The following BMERB1 variants were observed in gnomAD, a reference collection of about 807,000 sequenced individuals.
BMERB1 encodes bMERB domain-containing protein 1.
Under a neutral mutation model 23.6 loss-of-function variants are expected in BMERB1, and 12 were observed. That is an observed-to-expected ratio of 0.51 (90% confidence interval 0.33 to 0.82). The LOEUF (loss-of-function observed/expected upper bound fraction) is 0.82, where lower values mean the gene tolerates loss of function less well. Among genes scored for constraint, BMERB1 ranks in the 40% least tolerant of loss-of-function variants. The probability of loss-of-function intolerance (pLI) is 0.03; values close to 1 mark genes in which losing one functional copy is unlikely to be tolerated. For missense variants in BMERB1, 247 were observed against 255.4 expected (o/e 0.97, Z 0.22); for synonymous variants, 122 against 96.6 (o/e 1.26, Z -1.54).
At chr16:15,515,253 C>T in intron 1 of BMERB1, 52 bp from the exon 2 acceptor site, 1 of 1,610,342 alleles carries the variant, frequency 6.2e-7, no homozygotes, top group Non-Finnish European at 8.5e-7. Flanking sequence ...AGGGTCTGTC[C>T]CATGGTGCAG....
chr16:15,586,775 G>A lies in BMERB1; in HGVS notation c.561G>A (p.Thr187=), dbSNP rs776720007. ...CTAGCAAGCCCACGGTGGCCAAGAC[G>A]GGGCTGGCACTGATCAAGGATTGTT... The part of the protein sequence containing the change: ...PPPSKPTVAK[T]GLALIKDCCG... Residue 187 remains threonine (T), a synonymous_variant, in exon 6 of 6, where the codon ACG becomes ACA. Transcript: ENST00000300006. The A allele has an allele frequency of 1.5e-5, 24 of 1,612,598 alleles. No individual in the cohort carries two copies. The highest frequency in any genetic ancestry group is 1.6e-4 in the Middle Eastern group (1 of 6,082).
In BMERB1 at chr16:15,587,689, C is replaced by T; in HGVS notation, c.*860C>T. ...GCCAGCAGGATGCCACTTTGCCAGC[C>T]CGACACACGGACCTTTGTAAAGAAC... On this transcript the variant is annotated 3_prime_UTR_variant, in exon 6 of 6. Transcript: ENST00000300006. 1 of 293,882 alleles carries T rather than the reference C, an allele frequency of 3.4e-6. No homozygotes were observed. The highest frequency in any genetic ancestry group is 7.4e-6 in the Non-Finnish European group (1 of 135,870). 18.2% of individuals were successfully genotyped at this position (293,882 alleles called of 1,614,324 possible).
intron 4 of BMERB1, 44 bp downstream of exon 4, chr16:15,581,375 A>G (rs370345498): frequency 1.2e-5 from 18 of 1,521,436 alleles, no homozygotes; most frequent in Non-Finnish European, 1.5e-5. Context: ...GCAGGACAGC[A>G]ACCTTCTGCT....
chr16:15,497,359 T>C (rs2051483274), intron 1 of BMERB1, among the ~76,000 whole-genome samples: 5 of 152,216 alleles, frequency 3.3e-5, no homozygotes, highest in Admixed American at 3.3e-4. Flanking sequence ...TCTCATTGTC[T>C]GGATGCTGTA....
intron 2 of BMERB1, among the ~76,000 whole-genome samples, chr16:15,556,321 C>G (rs1598517669): frequency 6.6e-6 from 1 of 152,256 alleles, no homozygotes; most frequent in African/African-American, 2.4e-5. Flanking sequence ...TACACACCCA[C>G]ACTGCCTGTG....
rs570781170 is a variant in BMERB1 at position 15,564,809 on chromosome 16, T to C, written c.231-3174T>C. 8.5e-5 allele frequency among the ~76,000 whole-genome samples: 13 copies of C among 152,328 alleles called. No homozygotes were observed. The East Asian group carries it at 2.1e-3, about 25-fold the overall frequency. ...CAGATGGTTAGAGATGCTGGCAGTT[T>C]AGGACCTGCTGCCATAAATGTGTGA... is the stretch of plus-strand genomic sequence containing the variant. On this transcript the variant is annotated intron_variant, in intron 2 of 5. Coordinates refer to ENST00000300006, the MANE Select transcript of BMERB1 (RefSeq NM_033201.3).
intron 1 of BMERB1, among the ~76,000 whole-genome samples, chr16:15,474,696 T>C (rs1311652861): frequency 6.6e-6 from 1 of 151,842 alleles, no homozygotes; most frequent in African/African-American, 2.4e-5. Context: ...TTTTTTATTC[T>C]TATTTTTTTT....
In BMERB1 at chr16:15,507,127, C is replaced by T. The variant is rs140683056; in HGVS notation, c.107-8178C>T. 5.5e-3 allele frequency among the ~76,000 whole-genome samples: 832 copies of T among 152,308 alleles called. 7 individuals carry two copies. Among genetic ancestry groups the T allele is most frequent in the African/African-American group, 0.019 (805 of 41,564 alleles). On this transcript the variant is annotated intron_variant, in intron 1 of 5. Coordinates refer to ENST00000300006, the MANE Select transcript of BMERB1 (RefSeq NM_033201.3). ...TGCAGGGCACCCTGAGCTTAAATTC[C>T]TACCATGACCCCTGATTGGAAAAGA... is the stretch of plus-strand genomic sequence containing the variant.
At chr16:15,469,963 A>G (rs2051215344) in intron 1 of BMERB1, among the ~76,000 whole-genome samples, 1 of 152,120 alleles carries the variant, frequency 6.6e-6, no homozygotes, top group South Asian at 2.1e-4. Context: ...CCTAATTTGT[A>G]TGCCTTTTAT....
At chr16:15,553,012 C>T (rs2030140014) in intron 2 of BMERB1, among the ~76,000 whole-genome samples, 1 of 151,974 alleles carries the variant, frequency 6.6e-6, no homozygotes. Context: ...CCATCTCTAC[C>T]AGACATTTTT....
At chr16:15,531,715 G>A (rs1038166221) in intron 2 of BMERB1, among the ~76,000 whole-genome samples, 7 of 152,180 alleles carry the variant, frequency 4.6e-5, no homozygotes, top group Admixed American at 1.3e-4. Flanking sequence ...TGCATGTACC[G>A]TGGCCTGGCG....
intron 1 of BMERB1, among the ~76,000 whole-genome samples, chr16:15,486,285 CA>C (rs1186887484): frequency 6.6e-6 from 1 of 151,842 alleles, no homozygotes; most frequent in Admixed American, 6.6e-5. Flanking sequence ...GACCAAAACC[CA>C]CTGGGTTCAG....
chr16:15,505,885 T>A (rs28477976), intron 1 of BMERB1, among the ~76,000 whole-genome samples: 1 of 145,114 alleles, frequency 6.9e-6, no homozygotes, highest in African/African-American at 2.6e-5. Flanking sequence ...GAGACGCCGT[T>A]TCAAAAAAAA....
intron 2 of BMERB1, among the ~76,000 whole-genome samples, chr16:15,534,792 C>G (rs747421572): frequency 6.6e-6 from 1 of 152,122 alleles, no homozygotes; most frequent in Non-Finnish European, 1.5e-5. Context: ...AAGACACTTA[C>G]TTCTCCTGTC....
intron 1 of BMERB1, among the ~76,000 whole-genome samples, chr16:15,511,814 C>A (rs1432678120): frequency 1.3e-5 from 2 of 152,028 alleles, no homozygotes; most frequent in Non-Finnish European, 2.9e-5. Flanking sequence ...GAGTTCAAAA[C>A]CAGCCTGGCC....
At chr16:15,503,462 T>TTTGTA (rs1400280886) in intron 1 of BMERB1, among the ~76,000 whole-genome samples, 1 of 151,286 alleles carries the variant, frequency 6.6e-6, no homozygotes, top group Non-Finnish European at 1.5e-5. Context: ...TTTTTTTTTT[T>TTTGTA]TTTGTATTTG....
At chr16:15,550,319 C>T (rs1159412669) in intron 2 of BMERB1, among the ~76,000 whole-genome samples, 2 of 151,622 alleles carry the variant, frequency 1.3e-5, no homozygotes, top group African/African-American at 2.4e-5. Flanking sequence ...TCCCTGCCAT[C>T]CCTAAGAAAG....
chr16:15,543,986 A>G (rs1220889310), intron 2 of BMERB1, among the ~76,000 whole-genome samples: 4 of 152,160 alleles, frequency 2.6e-5, no homozygotes, highest in Admixed American at 2.6e-4. Flanking sequence ...CCCACGGATG[A>G]TTAATTATCT....
chr16:15,580,786 C>T (rs1219296657), intron 3 of BMERB1, among the ~76,000 whole-genome samples: 4 of 152,128 alleles, frequency 2.6e-5, no homozygotes, highest in Non-Finnish European at 5.9e-5. Context: ...ACCTCGTGAT[C>T]CGCCCACCTT....
Sources: gnomAD v4.1 joint callset for allele counts (sites outside exome capture counted in the v4.1 genomes callset) on GRCh38, gnomAD v4.1.1 for gene constraint, MANE v1.5 for transcripts, NCBI Gene and HGNC (gene_info 2026-07-23, HGNC 2026-07-21) for gene names.